The following TMTC2 variants were observed in gnomAD, a reference collection of about 807,000 sequenced individuals.
The protein encoded by TMTC2 is transmembrane O-mannosyltransferase targeting cadherins 2.
TMTC2 carries 43 observed loss-of-function variants against 82.4 expected under a neutral mutation model. The observed-to-expected ratio is 0.52, with a 90% CI of 0.41 to 0.67. TMTC2 has a LOEUF of 0.67. Ranked by LOEUF, TMTC2 falls within the 30% of genes least tolerant of loss-of-function variation. The pLI, the probability that TMTC2 is intolerant of heterozygous loss-of-function variation, is 0.00. For synonymous variants in TMTC2, 408 were observed against 381.9 expected, an observed-to-expected ratio of 1.07 and a Z score of -0.80; for missense variants, 919 against 1,012.4, an observed-to-expected ratio of 0.91 and a Z score of 1.25.
intron 1 of TMTC2, among the ~76,000 whole-genome samples, chr12:82,768,561 C>T (rs1320753893): frequency 3.3e-5 from 5 of 152,166 alleles, no homozygotes; most frequent in African/African-American, 1.2e-4. Context: ...CTTTTATTTA[C>T]ATCCCACAAT....
chr12:82,794,900 TAGC>T (rs1226048673), intron 1 of TMTC2, among the ~76,000 whole-genome samples: 14 of 152,136 alleles, frequency 9.2e-5, no homozygotes, highest in Non-Finnish European at 8.8e-5. Context: ...CAAGAAAAGG[TAGC>T]AGTGATGCTA....
chr12:82,929,671 C>T (rs536248929), intron 3 of TMTC2, among the ~76,000 whole-genome samples: 2 of 152,190 alleles, frequency 1.3e-5, no homozygotes, highest in African/African-American at 4.8e-5. Context: ...ACCCCATCTC[C>T]TTGTAGGAAG....
At chr12:82,970,130 TG>T (rs1878383860) in intron 7 of TMTC2, among the ~76,000 whole-genome samples, 1 of 152,208 alleles carries the variant, frequency 6.6e-6, no homozygotes. Context: ...GTTCAAATTA[TG>T]GCTTTGATAC....
chr12:83,102,464 C>G (rs1485462211), intron 11 of TMTC2, among the ~76,000 whole-genome samples: 2 of 152,110 alleles, frequency 1.3e-5, no homozygotes, highest in Non-Finnish European at 2.9e-5. Flanking sequence ...GCTGAAAACA[C>G]AGTATCAAAA....
chr12:82,853,171 C>T (rs1439430629), intron 1 of TMTC2, among the ~76,000 whole-genome samples: 3 of 151,682 alleles, frequency 2.0e-5, no homozygotes, highest in African/African-American at 4.8e-5. Context: ...GGCGCGATCT[C>T]GGCTCACTGC....
Position 82,765,097 on chromosome 12 carries a change from G to A in TMTC2, c.83+77428G>A, listed in dbSNP as rs575293594. ...ATTTCCTTGTGGGCAAAATATGGGG[G>A]AGGCATGTAGCTTTTAATCTTGCAG... On this transcript the variant is annotated intron_variant, in intron 1 of 11. Transcript: ENST00000321196. Among the ~76,000 whole-genome samples, 7 of 152,204 alleles carry A rather than the reference G, an allele frequency of 4.6e-5. 1 individual carries two copies. In the East Asian group the frequency reaches 1.4e-3, roughly 29 times the overall value.
intron 11 of TMTC2, among the ~76,000 whole-genome samples, chr12:83,068,987 C>G (rs1439712120): frequency 6.6e-6 from 1 of 152,162 alleles, no homozygotes; most frequent in Non-Finnish European, 1.5e-5. Flanking sequence ...AGTTACTTCA[C>G]TTAGAATAAT....
At chr12:82,741,681 T>G (rs551561353) in intron 1 of TMTC2, among the ~76,000 whole-genome samples, 14 of 152,336 alleles carry the variant, frequency 9.2e-5, no homozygotes, top group African/African-American at 3.1e-4. Context: ...GAAACCAATG[T>G]GTAATCAAAT....
Position 83,134,601 on chromosome 12 carries a change from C to CT in TMTC2, c.*2214dup, listed in dbSNP as rs1274748785. 2.0e-5 allele frequency: 2 copies of CT among 98,792 alleles called. No homozygotes were observed. The highest frequency in any genetic ancestry group is 3.8e-5 in the Non-Finnish European group (2 of 52,598). 6.1% of individuals were successfully genotyped at this position (98,792 alleles called of 1,614,324 possible). A position where few individuals can be genotyped will look rare whatever the true frequency, so the allele number is the denominator to read the frequency against. ...AGGGCTGGACTTAGTAACTGACCAA[C>CT]TTCGGGGGGAGGGTTGGGGCAAGGG... On this transcript the variant is annotated 3_prime_UTR_variant, in exon 12 of 12. Coordinates refer to ENST00000321196, the MANE Select transcript of TMTC2 (RefSeq NM_152588.3).
chr12:82,767,088 A>G (rs1323603590), intron 1 of TMTC2, among the ~76,000 whole-genome samples: 2 of 152,152 alleles, frequency 1.3e-5, no homozygotes, highest in Non-Finnish European at 2.9e-5. Flanking sequence ...CAAACATGTG[A>G]GGGCTCCTTC....
intron 11 of TMTC2, among the ~76,000 whole-genome samples, chr12:83,065,328 A>G (rs997047771): frequency 6.6e-6 from 1 of 151,876 alleles, no homozygotes; most frequent in Non-Finnish European, 1.5e-5. Context: ...GCATCATTTT[A>G]TATATGAAGA....
At position 82,980,837 on chromosome 12, in the gene TMTC2, A is replaced by G. The variant is rs75826941; in HGVS notation, c.1949-5088A>G. Among the ~76,000 whole-genome samples the G allele has an allele frequency of 2.3e-4, 35 of 151,876 alleles. No individual in the cohort carries two copies. In the East Asian group the frequency reaches 6.2e-3, roughly 27 times the overall value. On this transcript the variant is annotated intron_variant, in intron 7 of 11. Transcript: ENST00000321196. ...CTATCTGAGGTGTCACTCACTTAATATTTTTCTTCATTCTGAAGCACGATG... is the reference window on the plus strand; with the variant it reads ...CTATCTGAGGTGTCACTCACTTAATGTTTTTCTTCATTCTGAAGCACGATG...
chr12:82,891,943 G>A (rs1873419383), intron 2 of TMTC2, among the ~76,000 whole-genome samples: 1 of 152,268 alleles, frequency 6.6e-6, no homozygotes, highest in African/African-American at 2.4e-5. Flanking sequence ...GCACACACCT[G>A]TGGTCTCAGC....
chr12:82,746,209 C>T (rs1393744243), intron 1 of TMTC2, among the ~76,000 whole-genome samples: 1 of 152,144 alleles, frequency 6.6e-6, no homozygotes, highest in African/African-American at 2.4e-5. Flanking sequence ...TATTTTTGCC[C>T]ATTTGCTCAC....
At chr12:83,057,161 A>T (rs1339061677) in intron 10 of TMTC2, among the ~76,000 whole-genome samples, 1 of 151,760 alleles carries the variant, frequency 6.6e-6, no homozygotes, top group East Asian at 1.9e-4. Context: ...AATTTTTCCC[A>T]CTACACATAA....
intron 1 of TMTC2, among the ~76,000 whole-genome samples, chr12:82,757,448 G>A (rs374277619): frequency 3.5e-4 from 53 of 152,116 alleles, no homozygotes; most frequent in African/African-American, 1.3e-3. Flanking sequence ...CAACATTAAG[G>A]GACTGGTAGA....
intron 9 of TMTC2, among the ~76,000 whole-genome samples, chr12:83,032,555 AT>A (rs558777076): frequency 1.5e-3 from 232 of 151,236 alleles, no homozygotes; most frequent in Non-Finnish European, 2.4e-3. Flanking sequence ...TTTTTTTTTA[AT>A]TTTTTTAGAT....
At chr12:82,820,416 G>T (rs1869022406) in intron 1 of TMTC2, among the ~76,000 whole-genome samples, 1 of 151,802 alleles carries the variant, frequency 6.6e-6, no homozygotes, top group South Asian at 2.1e-4. Flanking sequence ...TAACGCCCAG[G>T]CTGGAGTGCA....
At chr12:83,110,209 A>G (rs1463096891) in intron 11 of TMTC2, among the ~76,000 whole-genome samples, 24 of 152,136 alleles carry the variant, frequency 1.6e-4, no homozygotes, top group South Asian at 2.1e-4. Context: ...CGTGCTTCCA[A>G]TTCAAACCAA....
Sources: gnomAD v4.1 joint callset for allele counts (sites outside exome capture counted in the v4.1 genomes callset) on GRCh38, gnomAD v4.1.1 for gene constraint, MANE v1.5 for transcripts, NCBI Gene and HGNC (gene_info 2026-07-23, HGNC 2026-07-21) for gene names.